PALM2AKAP2: variants seen among roughly 807,000 people sequenced by gnomAD.
The protein encoded by PALM2AKAP2 is PALM2 and AKAP2 fusion, also known as PALM2-AKAP2 fusion protein.
PALM2AKAP2 carries 37 observed loss-of-function variants against 71.5 expected under a neutral mutation model. The observed-to-expected ratio is 0.52, with a 90% CI of 0.40 to 0.68. The LOEUF (loss-of-function observed/expected upper bound fraction) is 0.68, where lower values mean the gene tolerates loss of function less well. Ranked by LOEUF, PALM2AKAP2 falls within the 30% of genes least tolerant of loss-of-function variation. PALM2AKAP2 has a pLI of 0.00. For missense variants in PALM2AKAP2, 1,224 were observed against 1,191.8 expected, an observed-to-expected ratio of 1.03 and a Z score of -0.40; for synonymous variants, 468 against 478.8, an observed-to-expected ratio of 0.98 and a Z score of 0.29.
chr9:110,136,720 T>C, exon 2 of PALM2AKAP2: 2 of 1,614,114 alleles, frequency 1.2e-6, no homozygotes, highest in Non-Finnish European at 1.7e-6. Flanking sequence ...GCTCACGGTG[T>C]TCTTCCCGAG....
chr9:110,012,022 C>T (rs1451804698), intron 6 of PALM2AKAP2, among the ~76,000 whole-genome samples: 6 of 152,170 alleles, frequency 3.9e-5, no homozygotes, highest in African/African-American at 1.2e-4. Context: ...AGGCTGGGCA[C>T]GGTGGCTTAT....
chr9:110,146,055 C>T (rs1836161837), intron 2 of PALM2AKAP2, among the ~76,000 whole-genome samples: 1 of 151,798 alleles, frequency 6.6e-6, no homozygotes, highest in Non-Finnish European at 1.5e-5. Flanking sequence ...CCCACCACCG[C>T]GTCCAGCTAA....
At chr9:109,759,581 C>T (rs1829019415) in intron 1 of PALM2AKAP2, among the ~76,000 whole-genome samples, 1 of 152,058 alleles carries the variant, frequency 6.6e-6, no homozygotes, top group Admixed American at 6.6e-5. Context: ...GAGAAGCAAA[C>T]AAACAACAAC....
At chr9:109,861,185 C>T (rs1432073464) in intron 1 of PALM2AKAP2, among the ~76,000 whole-genome samples, 2 of 152,188 alleles carry the variant, frequency 1.3e-5, no homozygotes, top group Non-Finnish European at 2.9e-5. Context: ...GCCTCTTTCC[C>T]TGTCTCCCTG....
chr9:109,970,929 G>A (rs1832053536), intron 6 of PALM2AKAP2, among the ~76,000 whole-genome samples: 1 of 151,926 alleles, frequency 6.6e-6, no homozygotes, highest in Admixed American at 6.6e-5. Context: ...GCAACATAGG[G>A]AGACCCTGTG....
chr9:109,871,154 TG>T (rs1829593848), intron 2 of PALM2AKAP2, among the ~76,000 whole-genome samples: 1 of 152,230 alleles, frequency 6.6e-6, no homozygotes, highest in African/African-American at 2.4e-5. Context: ...ATAGTAGTTT[TG>T]GCATTCATAT....
At chr9:109,794,581 C>G (rs560940991) in intron 1 of PALM2AKAP2, among the ~76,000 whole-genome samples, 10 of 152,208 alleles carry the variant, frequency 6.6e-5, no homozygotes, top group African/African-American at 2.4e-4. Context: ...GTTCAGTTAC[C>G]TCATGGAACC....
At chr9:110,156,580 G>A (rs538283518) in intron 3 of PALM2AKAP2, 83 bp downstream of exon 9, 2 of 1,449,636 alleles carry the variant, frequency 1.4e-6, no homozygotes, top group Non-Finnish European at 1.8e-6. Flanking sequence ...AGGCACAAAT[G>A]TGTATGTCGT....
At chr9:110,024,013 T>A (rs1026527980) in intron 7 of PALM2AKAP2, among the ~76,000 whole-genome samples, 1 of 152,208 alleles carries the variant, frequency 6.6e-6, no homozygotes, top group African/African-American at 2.4e-5. Context: ...CAGTTGCCCT[T>A]GCTACAATAT....
intron 1 of PALM2AKAP2, among the ~76,000 whole-genome samples, chr9:109,750,984 T>C (rs929949372): frequency 3.9e-5 from 6 of 152,148 alleles, no homozygotes; most frequent in African/African-American, 1.2e-4. Flanking sequence ...CAGAGACCCT[T>C]GCATTCCACC....
At chr9:110,136,297 A>C (rs1001463065) in exon 2 of PALM2AKAP2, 9 of 1,614,014 alleles carry the variant, frequency 5.6e-6, no homozygotes, top group Non-Finnish European at 7.6e-6. Flanking sequence ...CCTCTACCCC[A>C]CATCCCATGG....
intron 1 of PALM2AKAP2, among the ~76,000 whole-genome samples, chr9:109,664,016 CT>C (rs954730085): frequency 1.1e-3 from 173 of 151,854 alleles, no homozygotes; most frequent in African/African-American, 4.1e-3. Context: ...CAACCCCTGC[CT>C]TTTTTTTGTT....
At chr9:110,023,030 A>G (rs1177499056) in intron 7 of PALM2AKAP2, among the ~76,000 whole-genome samples, 3 of 152,122 alleles carry the variant, frequency 2.0e-5, no homozygotes, top group African/African-American at 7.2e-5. Flanking sequence ...ATAGTGCCAC[A>G]ATAAACATAC....
chr9:110,096,451 A>ATTTATTTATTTATTTATT (rs1834841849), intron 1 of PALM2AKAP2, among the ~76,000 whole-genome samples: 1 of 152,042 alleles, frequency 6.6e-6, no homozygotes, highest in African/African-American at 2.4e-5. Context: ...TTATTTATTA[A>ATTTATTTATTTATTTATT]GATGGGGGTC....
intron 1 of PALM2AKAP2, among the ~76,000 whole-genome samples, chr9:109,748,992 C>T (rs762034386): frequency 2.8e-4 from 42 of 152,202 alleles, no homozygotes; most frequent in Admixed American, 3.3e-4. Flanking sequence ...TCTTTAAAGA[C>T]CTTATCTCCA....
At chr9:110,035,471 G>T (rs535948161) in intron 7 of PALM2AKAP2, among the ~76,000 whole-genome samples, 1 of 141,960 alleles carries the variant, frequency 7.0e-6, no homozygotes, top group African/African-American at 2.6e-5. Flanking sequence ...GTATATATAT[G>T]ATATGTTGTG....
rs1365633523 is a variant in PALM2AKAP2, at chr9:109,999,517, T to C, written c.497-16437T>C. On this transcript the variant is annotated intron_variant, in intron 6 of 9. Coordinates refer to the PALM2AKAP2 transcript ENST00000302798. ...GGGACCATCTGTTCCCAGTGCCCTC[T>C]GCCTTCTCTCTTGTAGCATTCTTCT... is the stretch of plus-strand genomic sequence containing the variant. Among the ~76,000 whole-genome samples, 3 of 152,322 alleles carry C rather than the reference T, an allele frequency of 2.0e-5. No individual in the cohort carries two copies. The East Asian group carries it at 5.8e-4, about 29-fold the overall frequency.
At chr9:110,035,223 A>T (rs260195) in intron 7 of PALM2AKAP2, among the ~76,000 whole-genome samples, 93,700 of 141,630 alleles carry the variant, frequency 0.66, 31,436 homozygotes, top group African/African-American at 0.77. Flanking sequence ...ATATATAAAA[A>T]ATATATATAA....
chr9:109,879,337 C>G (rs9299179), intron 2 of PALM2AKAP2, among the ~76,000 whole-genome samples: 134,536 of 152,236 alleles, frequency 0.88, 59,585 homozygotes, highest in African/African-American at 0.91. Flanking sequence ...CTGTTCCTTT[C>G]GTTGCTTACT....
Sources: allele counts gnomAD v4.1 joint callset (sites outside exome capture counted in the v4.1 genomes callset), GRCh38; gene constraint gnomAD v4.1.1; transcripts MANE v1.5; gene names NCBI Gene and HGNC (gene_info 2026-07-23, HGNC 2026-07-21).